Variants in DPYSL3 observed in about 807,000 individuals in gnomAD.
The protein encoded by DPYSL3 is dihydropyrimidinase like 3.
DPYSL3 carries 16 observed loss-of-function variants against 66.1 expected under a neutral mutation model. That is an observed-to-expected ratio of 0.24 (90% CI 0.16 to 0.37). DPYSL3 has a LOEUF of 0.37. Among genes scored for constraint, DPYSL3 ranks in the 10% least tolerant of loss-of-function variants. The probability of loss-of-function intolerance (pLI) is 1.00; values close to 1 mark genes in which losing one functional copy is unlikely to be tolerated. For missense variants in DPYSL3, 738 were observed against 916.2 expected, an observed-to-expected ratio of 0.81 and a Z score of 2.51; for synonymous variants, 338 against 345.1, an observed-to-expected ratio of 0.98 and a Z score of 0.23.
At chr5:147,505,165 G>A (rs1009468434) in intron 1 of DPYSL3, among the ~76,000 whole-genome samples, 1 of 152,048 alleles carries the variant, frequency 6.6e-6, no homozygotes, top group Admixed American at 6.6e-5. Context: ...ATTTAAGAAG[G>A]TGTTTATAGA....
At chr5:147,474,829 G>A (rs139115349) in intron 1 of DPYSL3, among the ~76,000 whole-genome samples, 114 of 152,032 alleles carry the variant, frequency 7.5e-4, no homozygotes, top group African/African-American at 2.3e-3. Flanking sequence ...ATACAATTCC[G>A]TGGTTTTTAA....
intron 1 of DPYSL3, among the ~76,000 whole-genome samples, chr5:147,500,613 C>CAAA (rs755104191): frequency 7.0e-5 from 4 of 57,280 alleles, no homozygotes; most frequent in East Asian, 4.7e-4. Flanking sequence ...GACTCCATCT[C>CAAA]AAAAAAAAAA....
intron 10 of DPYSL3, among the ~76,000 whole-genome samples, chr5:147,400,413 C>G (rs542296799): frequency 6.6e-6 from 1 of 152,308 alleles, no homozygotes; most frequent in South Asian, 2.1e-4. Flanking sequence ...ATTTTAAGTA[C>G]AGGCTATTCG....
chr5:147,420,417 A>G lies in DPYSL3; in HGVS notation c.471-1786T>C, dbSNP rs868855762. On this transcript the variant is annotated intron_variant, in intron 2 of 13. Coordinates refer to ENST00000343218, the MANE Select transcript of DPYSL3 (RefSeq NM_001197294.2). ...CTGTTCTATGAATATAATACTTGAT[A>G]TGCCACTCCTTGGTAATGCTAGGTC... 1.2e-4 allele frequency among the ~76,000 whole-genome samples: 19 copies of G among 152,320 alleles called. No homozygotes were observed. The South Asian group carries it at 2.1e-3, about 17-fold the overall frequency.
chr5:147,475,498 T>G (rs1409655102), intron 1 of DPYSL3, among the ~76,000 whole-genome samples: 1 of 152,114 alleles, frequency 6.6e-6, no homozygotes, highest in African/African-American at 2.4e-5. Context: ...TTGAGATGGT[T>G]CTTAGAATTG....
At chr5:147,496,280 T>C (rs996028248) in intron 1 of DPYSL3, among the ~76,000 whole-genome samples, 11 of 152,186 alleles carry the variant, frequency 7.2e-5, no homozygotes, top group Non-Finnish European at 1.5e-4. Flanking sequence ...ATGTTAGACC[T>C]AAAACCATAA....
At chr5:147,419,889 T>C (rs1464006850) in intron 2 of DPYSL3, among the ~76,000 whole-genome samples, 10 of 152,306 alleles carry the variant, frequency 6.6e-5, no homozygotes, top group Admixed American at 3.9e-4. Flanking sequence ...CCAATTCTGT[T>C]CTCATTTTTC....
intron 1 of DPYSL3, among the ~76,000 whole-genome samples, chr5:147,470,237 C>T (rs1753066296): frequency 6.6e-6 from 1 of 152,184 alleles, no homozygotes; most frequent in African/African-American, 2.4e-5. Flanking sequence ...TGTTGACCTT[C>T]AGAGCACTCC....
At chr5:147,421,547 T>C (rs1311207225) in intron 2 of DPYSL3, among the ~76,000 whole-genome samples, 1 of 152,094 alleles carries the variant, frequency 6.6e-6, no homozygotes, top group African/African-American at 2.4e-5. Flanking sequence ...AGCTTGTATA[T>C]CCAAGACAAT....
At chr5:147,465,432 TG>T (rs977043174) in intron 1 of DPYSL3, among the ~76,000 whole-genome samples, 2 of 152,084 alleles carry the variant, frequency 1.3e-5, no homozygotes, top group African/African-American at 4.8e-5. Context: ...CCCAAGTAGC[TG>T]GGAATACAGG....
Position 147,412,742 on chromosome 5 carries a change from A to G in DPYSL3, c.883-54T>C. ...TTGCAAGCACTTTTAGCAGCCCCAC[A>G]GAAGGGCCAATTACCAGAGCCCAAG... is the stretch of plus-strand genomic sequence containing the variant. On this transcript the variant is annotated intron_variant, in intron 5 of 13. Transcript: ENST00000343218. The G allele has an allele frequency of 9.3e-6, 14 of 1,507,630 alleles. No homozygotes were observed. In the South Asian group the frequency reaches 1.5e-4, roughly 16 times the overall value. The allele number at this position is 1,507,630 out of a possible 1,614,324, so 93.4% of individuals were successfully genotyped here. A position where few individuals can be genotyped will look rare whatever the true frequency, so the allele number is the denominator to read the frequency against.
intron 1 of DPYSL3, among the ~76,000 whole-genome samples, chr5:147,455,787 T>C (rs1157715052): frequency 6.6e-6 from 1 of 151,258 alleles, no homozygotes; most frequent in African/African-American, 2.4e-5. Context: ...TGCTGCTGCC[T>C]TTTTTTTTAA....
intron 1 of DPYSL3, among the ~76,000 whole-genome samples, chr5:147,462,961 C>A (rs555565956): frequency 6.6e-6 from 1 of 152,128 alleles, no homozygotes; most frequent in South Asian, 2.1e-4. Flanking sequence ...CAAGTGACCA[C>A]GCAGCCACAA....
In DPYSL3 at chr5:147,392,327, T is replaced by A. The variant is rs2152012591; in HGVS notation, c.*1708A>T. The A allele has an allele frequency of 6.6e-6, 1 of 152,336 alleles. No individual in the cohort carries two copies. The allele number at this position is 152,336 out of a possible 1,614,324, so 9.4% of individuals were successfully genotyped here. ...ACAGAAGGTAGCTTGCTAGGGGAAATCCTGTTCCTTGGCTATCTCCAAATT... is the reference window on the plus strand; with the variant it reads ...ACAGAAGGTAGCTTGCTAGGGGAAAACCTGTTCCTTGGCTATCTCCAAATT... On this transcript the variant is annotated 3_prime_UTR_variant, in exon 14 of 14. Transcript: ENST00000343218.
chr5:147,408,856 G>A (rs1036583809), intron 6 of DPYSL3, 60 bp from the exon 7 acceptor site: 9 of 1,519,136 alleles, frequency 5.9e-6, no homozygotes, highest in African/African-American at 5.5e-5. Context: ...GAAAAATTAC[G>A]CTGGTATGTT....
At chr5:147,462,290 G>A (rs547172258) in intron 1 of DPYSL3, among the ~76,000 whole-genome samples, 11 of 152,124 alleles carry the variant, frequency 7.2e-5, no homozygotes, top group Non-Finnish European at 1.6e-4. Flanking sequence ...CTTGACTTAA[G>A]GCTATGTTAA....
intron 1 of DPYSL3, chr5:147,453,534 G>A: frequency 6.6e-7 from 1 of 1,525,976 alleles, no homozygotes; most frequent in South Asian, 1.2e-5. Context: ...AGGGAGCAGC[G>A]GCGCCCGGAC....
chr5:147,470,633 T>C (rs1173489104), intron 1 of DPYSL3, among the ~76,000 whole-genome samples: 2 of 152,194 alleles, frequency 1.3e-5, no homozygotes, highest in Non-Finnish European at 1.5e-5. Flanking sequence ...TCTGCTCATC[T>C]CTGTGGCTTC....
At chr5:147,478,702 A>G (rs1039777868) in intron 1 of DPYSL3, among the ~76,000 whole-genome samples, 1 of 152,068 alleles carries the variant, frequency 6.6e-6, no homozygotes, top group African/African-American at 2.4e-5. Context: ...TATCATACAC[A>G]TATATTTTGC....
Sources: gnomAD v4.1 joint callset for allele counts (sites outside exome capture counted in the v4.1 genomes callset) on GRCh38, gnomAD v4.1.1 for gene constraint, MANE v1.5 for transcripts, NCBI Gene and HGNC (gene_info 2026-07-23, HGNC 2026-07-21) for gene names.